Variants in CCNI observed in about 807,000 individuals in gnomAD.
CCNI encodes cyclin I.
Under a neutral mutation model 34.1 loss-of-function variants are expected in CCNI, and 14 were observed. The ratio of observed to expected loss-of-function variants is 0.41; its 90% CI spans 0.27 to 0.64. The LOEUF is 0.64. Ranked by LOEUF, CCNI falls within the 30% of genes least tolerant of loss-of-function variation. CCNI has a pLI of 0.31. For missense variants in CCNI, 385 were observed against 440.5 expected, an observed-to-expected ratio of 0.87 and a Z score of 1.13; for synonymous variants, 154 against 158.4, an observed-to-expected ratio of 0.97 and a Z score of 0.21.
chr4:77,063,464 C>T (rs4252842), intron 2 of CCNI, among the ~76,000 whole-genome samples: 2,820 of 150,840 alleles, frequency 0.019, 67 homozygotes, highest in African/African-American at 0.055. Context: ...TTTGGAAGGC[C>T]GGATCACAAG....
chr4:77,052,194 C>CGGA (rs759741910), intron 6 of CCNI, among the ~76,000 whole-genome samples: 9 of 151,804 alleles, frequency 5.9e-5, no homozygotes, highest in Non-Finnish European at 1.3e-4. Flanking sequence ...GTTTAGCTCC[C>CGGA]ACTTGTGAGA....
At chr4:77,070,279 A>G (rs1020440460) in intron 1 of CCNI, among the ~76,000 whole-genome samples, 1 of 151,336 alleles carries the variant, frequency 6.6e-6, no homozygotes, top group African/African-American at 2.4e-5. Flanking sequence ...GGCCTCCCAA[A>G]GTGCTGGGAG....
At chr4:77,056,384 TG>T in intron 3 of CCNI, 61 bp from the exon 4 acceptor site, 1 of 1,290,374 alleles carries the variant, frequency 7.7e-7, no homozygotes, top group Non-Finnish European at 1.1e-6. Context: ...TTTAACTTTT[TG>T]TAACTGTTTT....
At chr4:77,074,937 A>C (rs1729783871) in intron 1 of CCNI, 1 of 151,708 alleles carries the variant, frequency 6.6e-6, no homozygotes. Flanking sequence ...CACAACTCAA[A>C]TCTCACCTCC....
intron 1 of CCNI, among the ~76,000 whole-genome samples, chr4:77,071,502 T>C (rs1054504060): frequency 6.6e-6 from 1 of 152,052 alleles, no homozygotes; most frequent in African/African-American, 2.4e-5. Flanking sequence ...ATACTAAATA[T>C]TAGAATGGAA....
At chr4:77,052,147 T>A (rs1727896355) in intron 6 of CCNI, among the ~76,000 whole-genome samples, 1 of 151,710 alleles carries the variant, frequency 6.6e-6, no homozygotes, top group Admixed American at 6.6e-5. Context: ...GTCCCCAGTT[T>A]CTACTGTTGC....
At chr4:77,055,017 T>C (rs1306837212) in intron 6 of CCNI, 133 bp downstream of exon 6, 6 of 595,818 alleles carry the variant, frequency 1.0e-5, no homozygotes, top group Non-Finnish European at 1.8e-5. Context: ...TTAAAATATA[T>C]ACTTTACTCT....
intron 6 of CCNI, among the ~76,000 whole-genome samples, chr4:77,051,444 A>G (rs1727825467): frequency 6.6e-6 from 1 of 152,208 alleles, no homozygotes; most frequent in South Asian, 2.1e-4. Flanking sequence ...GTGTGAAAAA[A>G]CGAAGTAAAT....
rs538670324 is a variant in CCNI at position 77,054,709 on chromosome 4, A to C, written c.690+441T>G. ...TTCAGAAAAGTGGCTTCTACCTGCC[A>C]GTTTGGTATAAATACTTCACTTACT... On this transcript the variant is annotated intron_variant, in intron 6 of 6. Coordinates refer to ENST00000237654, the MANE Select transcript of CCNI (RefSeq NM_006835.3). 7.2e-4 allele frequency among the ~76,000 whole-genome samples: 110 copies of C among 152,362 alleles called. 1 individual carries two copies. The highest frequency in any genetic ancestry group is 1.3e-3 in the Non-Finnish European group (91 of 68,032).
At position 77,072,452 on chromosome 4, in the gene CCNI, C is replaced by CAAAA. The variant is rs11327592; in HGVS notation, c.-44+3016_-44+3019dup. On this transcript the variant is annotated intron_variant, in intron 1 of 6. Coordinates refer to ENST00000237654, the MANE Select transcript of CCNI (RefSeq NM_006835.3). The stretch of plus-strand genomic sequence containing the variant: ...AACAGAGCGAGATCCCTGTCTCCAC[C>CAAAA]AAAAAAAAAAAAAAAAAAAAAAAAA... 7.4e-4 allele frequency among the ~76,000 whole-genome samples: 46 copies of CAAAA among 62,214 alleles called. 1 individual carries two copies. The highest frequency in any genetic ancestry group is 2.5e-3 in the African/African-American group (41 of 16,338). The allele number at this position is 62,214 out of a possible 152,430, so 40.8% of individuals were successfully genotyped here.
intron 2 of CCNI, among the ~76,000 whole-genome samples, chr4:77,063,645 G>A (rs187443132): frequency 1.5e-4 from 23 of 150,410 alleles, no homozygotes; most frequent in Admixed American, 2.6e-4. Context: ...AGCCAAGATC[G>A]CGCCAGTGCA....
In CCNI at chr4:77,057,662, G is replaced by T. The variant is rs4252878; in HGVS notation, c.243+845C>A. 6.3e-3 allele frequency among the ~76,000 whole-genome samples: 959 copies of T among 152,260 alleles called. 14 individuals carry two copies. The highest frequency in any genetic ancestry group is 0.022 in the African/African-American group (911 of 41,556). On this transcript the variant is annotated intron_variant, in intron 3 of 6. Coordinates refer to ENST00000237654, the MANE Select transcript of CCNI (RefSeq NM_006835.3). ...AGGGCCTATTTACTAACTTGACACA[G>T]CCAATGACATGGCAATGGGGACAAT...
At chr4:77,066,219 A>G in intron 2 of CCNI, 30 bp downstream of exon 2, 1 of 1,586,098 alleles carries the variant, frequency 6.3e-7, no homozygotes, top group Non-Finnish European at 8.7e-7. Context: ...TTCTAATAAA[A>G]TTCATCTGTC....
chr4:77,054,364 GAATA>G (rs1257202184), intron 6 of CCNI, among the ~76,000 whole-genome samples: 1 of 152,022 alleles, frequency 6.6e-6, no homozygotes, highest in Non-Finnish European at 1.5e-5. Context: ...TGTTAAATAA[GAATA>G]AATAGCCATA....
chr4:77,075,440 GT>G (rs1001355398), intron 1 of CCNI, 31 bp downstream of exon 1: 16 of 875,908 alleles, frequency 1.8e-5, no homozygotes, highest in Non-Finnish European at 1.9e-5. Flanking sequence ...GCGGAGACGC[GT>G]CGAGCCCCCG....
intron 1 of CCNI, among the ~76,000 whole-genome samples, chr4:77,068,697 A>AT (rs1045285421): frequency 1.3e-5 from 2 of 152,182 alleles, no homozygotes; most frequent in Non-Finnish European, 2.9e-5. Flanking sequence ...GGCTCTAAGA[A>AT]TTTTTTTAAA....
Position 77,048,427 on chromosome 4 carries a change from T to C in CCNI, c.926A>G (p.His309Arg), listed in dbSNP as rs1417960379. The part of the protein sequence containing the change: ...PVRGTAAFYH[H>R]LPAASGCKQT... ...CTTGCACCCACTGGCAGCTGGGAGA[T>C]GATGGTAAAAGGCTGCTGTACCTCT... Residue 309 changes from histidine to arginine, a missense_variant, in exon 7 of 7, where the codon CAT becomes CGT. Physicochemically the swap from His to Arg is conservative, Grantham distance 29 (BLOSUM62 0). Around this residue, in one of 2 missense-constraint regions of CCNI, gnomAD observed 250 missense variants for 248.7 expected, o/e 1.01. Transcript: ENST00000237654. The C allele has an allele frequency of 5.0e-6, 8 of 1,613,982 alleles. No homozygotes were observed. Among genetic ancestry groups the C allele is most frequent in the Non-Finnish European group, 5.9e-6 (7 of 1,180,006 alleles).
At chr4:77,067,684 T>G (rs1729136520) in intron 1 of CCNI, among the ~76,000 whole-genome samples, 1 of 138,648 alleles carries the variant, frequency 7.2e-6, no homozygotes, top group Non-Finnish European at 1.6e-5. Context: ...TTTTTTTTTG[T>G]AGAGATGCAG....
At chr4:77,049,681 TA>T (rs34290249) in intron 6 of CCNI, among the ~76,000 whole-genome samples, 13,242 of 135,986 alleles carry the variant, frequency 0.097, 1,243 homozygotes, top group African/African-American at 0.26. Flanking sequence ...GACTCTGTCT[TA>T]AAAAAAAAAA....
Sources: gnomAD v4.1 joint callset for allele counts (sites outside exome capture counted in the v4.1 genomes callset) on GRCh38, gnomAD v4.1.1 for gene constraint, gnomAD v4.1.1 regional missense constraint, MANE v1.5 for transcripts, NCBI Gene and HGNC (gene_info 2026-07-23, HGNC 2026-07-21) for gene names.